Variants in DGKB observed in about 807,000 individuals in gnomAD.
DGKB encodes the protein 90 kDa diacylglycerol kinase.
A neutral mutation model predicts 114.3 loss-of-function variants in DGKB; 67 were observed. That is an observed-to-expected ratio of 0.59 (90% CI 0.48 to 0.72). The LOEUF (loss-of-function observed/expected upper bound fraction) is 0.72. Ranked by LOEUF, DGKB falls within the 30% of genes least tolerant of loss-of-function variation. DGKB has a pLI of 0.00. For synonymous variants in DGKB, 398 were observed against 323.1 expected (o/e 1.23, Z -2.49); for missense variants, 907 against 975.2 (o/e 0.93, Z 0.93).
intron 1 of DGKB, among the ~76,000 whole-genome samples, chr7:14,918,106 TG>T (rs1228577681): frequency 1.3e-5 from 2 of 152,156 alleles, no homozygotes; most frequent in Admixed American, 6.5e-5. Context: ...TTCCCCTATT[TG>T]ATAAAGAATA....
intron 23 of DGKB, among the ~76,000 whole-genome samples, chr7:14,179,998 T>G (rs1183372598): frequency 1.3e-5 from 2 of 152,190 alleles, no homozygotes; most frequent in African/African-American, 4.8e-5. Flanking sequence ...TAAAATGTGC[T>G]TGGCTCTATA....
At chr7:14,714,997 G>A (rs1827961656) in intron 6 of DGKB, among the ~76,000 whole-genome samples, 2 of 152,104 alleles carry the variant, frequency 1.3e-5, no homozygotes, top group East Asian at 1.9e-4. Context: ...ACAAATACTA[G>A]TTTAATCTAA....
At chr7:14,823,894 G>T (rs971025031) in intron 2 of DGKB, among the ~76,000 whole-genome samples, 1 of 152,042 alleles carries the variant, frequency 6.6e-6, no homozygotes, top group Non-Finnish European at 1.5e-5. Flanking sequence ...GTATTCATCT[G>T]TTCTCACGGT....
Position 14,759,947 on chromosome 7 carries a change from A to T in DGKB, c.71-2216T>A, listed in dbSNP as rs1029942953. On this transcript the variant is annotated intron_variant, in intron 2 of 25. Transcript: ENST00000402815. ...TATTTTCTAACCCTTTTTTTGTTAC[A>T]GCCATCCTAGTGGATGTGAAATGAT... 2.0e-5 allele frequency among the ~76,000 whole-genome samples: 3 copies of T among 152,138 alleles called. No homozygotes were observed. In the East Asian group the frequency reaches 5.8e-4, roughly 29 times the overall value.
chr7:14,865,295 T>C (rs1218103635), intron 1 of DGKB, among the ~76,000 whole-genome samples: 1 of 152,198 alleles, frequency 6.6e-6, no homozygotes, highest in African/African-American at 2.4e-5. Context: ...CTGGGCGCCC[T>C]TGCCATCTGG....
intron 23 of DGKB, among the ~76,000 whole-genome samples, chr7:14,291,617 G>T (rs1204472342): frequency 6.7e-6 from 1 of 149,304 alleles, no homozygotes; most frequent in African/African-American, 2.6e-5. Context: ...AACTCTTTCT[G>T]ACATTTTTGT....
chr7:14,819,804 A>G (rs1031982884), intron 2 of DGKB, among the ~76,000 whole-genome samples: 4 of 152,154 alleles, frequency 2.6e-5, no homozygotes, highest in African/African-American at 9.7e-5. Context: ...ATATATCTTT[A>G]AGAGTCAAAA....
At chr7:14,211,340 T>A (rs1378506290) in intron 23 of DGKB, among the ~76,000 whole-genome samples, 10 of 43,980 alleles carry the variant, frequency 2.3e-4, no homozygotes, top group African/African-American at 1.4e-3. Context: ...GTTTTGTGAT[T>A]TTACTCTCAT....
chr7:14,176,249 G>T (rs13241638), intron 25 of DGKB: 1 of 788,772 alleles, frequency 1.3e-6, no homozygotes, highest in Non-Finnish European at 1.5e-6. Flanking sequence ...GCAGTTCCTA[G>T]CATGTTTTTG....
rs552200531 is a variant in DGKB at position 14,510,147 on chromosome 7, G to A, written c.1771-31922C>T. 3.2e-3 allele frequency among the ~76,000 whole-genome samples: 491 copies of A among 152,268 alleles called. 11 individuals carry two copies. Among genetic ancestry groups the A allele is most frequent in the Non-Finnish European group, 5.3e-4 (36 of 68,010 alleles). The stretch of plus-strand genomic sequence containing the variant: ...GTGGTGGTTGCTGAAGGCTGGGGTG[G>A]CTGTGGCAATTTCTTAAAGTAAGAC... On this transcript the variant is annotated intron_variant, in intron 20 of 25. Transcript: ENST00000402815.
chr7:14,228,115 T>C (rs957382026), intron 23 of DGKB, among the ~76,000 whole-genome samples: 1 of 152,068 alleles, frequency 6.6e-6, no homozygotes, highest in Non-Finnish European at 1.5e-5. Context: ...AGGGTTATTA[T>C]ATCATCAGCT....
intron 20 of DGKB, among the ~76,000 whole-genome samples, chr7:14,501,412 A>G (rs1376018845): frequency 6.6e-6 from 1 of 151,960 alleles, no homozygotes; most frequent in African/African-American, 2.4e-5. Flanking sequence ...GAAACATACA[A>G]AGTTTTTAAA....
chr7:14,347,293 A>G (rs1338623923), intron 21 of DGKB, among the ~76,000 whole-genome samples: 3 of 152,160 alleles, frequency 2.0e-5, no homozygotes, highest in East Asian at 3.9e-4. Context: ...TCAGATAACA[A>G]GCACTGGCAA....
intron 23 of DGKB, among the ~76,000 whole-genome samples, chr7:14,217,125 GTCTAGTCTCTAAGGAACTCCTAGAGA>G (rs1161622271): frequency 6.6e-6 from 1 of 152,130 alleles, no homozygotes; most frequent in Non-Finnish European, 1.5e-5. Flanking sequence ...GGGCCAGACA[GTCTAGTCTCTAAGGAACTCCTAGAGA>G]TCCAGAGTGT....
chr7:14,595,188 G>T (rs77239116), intron 17 of DGKB, among the ~76,000 whole-genome samples: 3 of 151,964 alleles, frequency 2.0e-5, no homozygotes, highest in African/African-American at 7.2e-5. Flanking sequence ...TTGAGTGAAG[G>T]GTTGTTATGT....
At chr7:14,704,447 CAA>C (rs774905779) in intron 6 of DGKB, among the ~76,000 whole-genome samples, 12 of 53,414 alleles carry the variant, frequency 2.2e-4, no homozygotes, top group Admixed American at 4.5e-4. Flanking sequence ...GACTCCATCT[CAA>C]AAAAAAAAAA....
intron 1 of DGKB, among the ~76,000 whole-genome samples, chr7:14,924,347 T>C (rs922962971): frequency 3.9e-5 from 6 of 152,268 alleles, no homozygotes; most frequent in Middle Eastern, 3.4e-3. Flanking sequence ...TCTTTGGTAT[T>C]TTCTAATTTC....
chr7:14,270,300 T>C (rs969408820), intron 23 of DGKB, among the ~76,000 whole-genome samples: 3 of 152,216 alleles, frequency 2.0e-5, no homozygotes, highest in Non-Finnish European at 4.4e-5. Flanking sequence ...TTTCCTCTGC[T>C]TACTCATAGT....
intron 13 of DGKB, among the ~76,000 whole-genome samples, chr7:14,663,615 T>C (rs1009512504): frequency 7.1e-6 from 1 of 140,966 alleles, no homozygotes; most frequent in African/African-American, 2.6e-5. Context: ...TTCTTTTCCC[T>C]TCCTCCCTTC....
Sources: allele counts gnomAD v4.1 joint callset (sites outside exome capture counted in the v4.1 genomes callset), GRCh38; gene constraint gnomAD v4.1.1; transcripts MANE v1.5; gene names NCBI Gene and HGNC (gene_info 2026-07-23, HGNC 2026-07-21).